The following P2RY14 variants were observed in gnomAD, a reference collection of about 807,000 sequenced individuals.
P2RY14 encodes purinergic receptor P2Y14, also known as P2Y purinoceptor 14.
P2RY14 carries 2 observed loss-of-function variants against 0.9 expected under a neutral mutation model. The ratio of observed to expected loss-of-function variants is 2.16; its 90% CI spans 0.88 to 6.79. P2RY14 has a LOEUF of 6.79. P2RY14 is among the 30% of genes most tolerant of loss of function. The probability of loss-of-function intolerance (pLI) is 0.05; values close to 1 mark genes in which losing one functional copy is unlikely to be tolerated. For missense variants in P2RY14, 378 were observed against 400.1 expected, an observed-to-expected ratio of 0.94 and a Z score of 0.47; for synonymous variants, 158 against 147.2, an observed-to-expected ratio of 1.07 and a Z score of -0.53.
intron 1 of P2RY14, among the ~76,000 whole-genome samples, chr3:151,237,354 T>TC (rs1553753092): frequency 2.3e-5 from 3 of 128,676 alleles, no homozygotes; most frequent in Admixed American, 7.7e-5. Flanking sequence ...TTTTTTCTTT[T>TC]TTTTTTTTTT....
At chr3:151,215,702 G>A (rs889160789) in intron 2 of P2RY14, among the ~76,000 whole-genome samples, 4 of 152,172 alleles carry the variant, frequency 2.6e-5, no homozygotes, top group Non-Finnish European at 5.9e-5. Context: ...CATCTTATAT[G>A]TGAACAGTAC....
chr3:151,234,013 GGGAATT>G (rs1385874798), intron 1 of P2RY14, among the ~76,000 whole-genome samples: 1 of 152,204 alleles, frequency 6.6e-6, no homozygotes, highest in East Asian at 1.9e-4. Flanking sequence ...ACTTTGGAAA[GGGAATT>G]GGAAATACTT....
At chr3:151,229,294 ATTC>A (rs1403414135) in intron 1 of P2RY14, among the ~76,000 whole-genome samples, 1 of 148,270 alleles carries the variant, frequency 6.7e-6, no homozygotes, top group African/African-American at 2.5e-5. Context: ...TAACTTATAA[ATTC>A]AGCAATTCTT....
At chr3:151,260,708 G>C (rs1738705352) in intron 1 of P2RY14, among the ~76,000 whole-genome samples, 1 of 152,086 alleles carries the variant, frequency 6.6e-6, no homozygotes, top group Non-Finnish European at 1.5e-5. Flanking sequence ...GACCGGCTTT[G>C]TTTCCCAGTG....
intron 1 of P2RY14, among the ~76,000 whole-genome samples, chr3:151,250,023 A>G (rs151060900): frequency 6.6e-6 from 1 of 152,226 alleles, no homozygotes; most frequent in East Asian, 1.9e-4. Flanking sequence ...AAAACCCTCA[A>G]AGCTCTCCCT....
chr3:151,236,839 C>T (rs1732920175), intron 1 of P2RY14, among the ~76,000 whole-genome samples: 1 of 151,994 alleles, frequency 6.6e-6, no homozygotes, highest in Non-Finnish European at 1.5e-5. Context: ...TACTGTATAG[C>T]ATTCTGCTGT....
At chr3:151,256,254 T>G (rs1285324043) in intron 1 of P2RY14, among the ~76,000 whole-genome samples, 1 of 152,202 alleles carries the variant, frequency 6.6e-6, no homozygotes, top group Non-Finnish European at 1.5e-5. Context: ...AAATAAGATC[T>G]CATATGCAGT....
intron 1 of P2RY14, among the ~76,000 whole-genome samples, chr3:151,275,397 A>G (rs895883390): frequency 6.6e-6 from 1 of 152,172 alleles, no homozygotes; most frequent in Non-Finnish European, 1.5e-5. Flanking sequence ...TCAGAACATG[A>G]TATCTAAGGC....
At chr3:151,230,208 T>A (rs1431466037) in intron 1 of P2RY14, among the ~76,000 whole-genome samples, 1 of 152,288 alleles carries the variant, frequency 6.6e-6, no homozygotes, top group East Asian at 1.9e-4. Context: ...TCTCCTGACC[T>A]TGTGATCCGC....
At chr3:151,235,436 T>A (rs1732537270) in intron 1 of P2RY14, among the ~76,000 whole-genome samples, 1 of 152,176 alleles carries the variant, frequency 6.6e-6, no homozygotes, top group African/African-American at 2.4e-5. Flanking sequence ...CCTGGCATGG[T>A]GGCTCATGCT....
chr3:151,217,358 C>T (rs540007801), intron 2 of P2RY14, among the ~76,000 whole-genome samples: 1 of 152,188 alleles, frequency 6.6e-6, no homozygotes, highest in Non-Finnish European at 1.5e-5. Context: ...AGGTCCAGAA[C>T]TCTGCTCTCA....
intron 1 of P2RY14, among the ~76,000 whole-genome samples, chr3:151,240,518 G>A (rs540190084): frequency 1.4e-4 from 22 of 152,324 alleles, no homozygotes; most frequent in African/African-American, 4.1e-4. Flanking sequence ...TTAATAGGAA[G>A]TGGGACAGAA....
chr3:151,273,227 CTTTTTTTTT>C (rs63035061), intron 1 of P2RY14, among the ~76,000 whole-genome samples: 1 of 106,170 alleles, frequency 9.4e-6, no homozygotes, highest in Non-Finnish European at 1.9e-5. Context: ...TTGTTGTGTT[CTTTTTTTTT>C]TTTTTTTTTT....
chr3:151,261,685 GTGTTTTGTTTTGTTT>G (rs10627724), intron 1 of P2RY14, among the ~76,000 whole-genome samples: 69,421 of 148,626 alleles, frequency 0.47, 16,231 homozygotes, highest in Middle Eastern at 0.65. Flanking sequence ...GTGGTACGTG[GTGTTTTGTTTTGTTT>G]TGTTTTGTTT....
At chr3:151,251,486 G>T (rs1294706114) in intron 1 of P2RY14, among the ~76,000 whole-genome samples, 1 of 152,048 alleles carries the variant, frequency 6.6e-6, no homozygotes, top group Non-Finnish European at 1.5e-5. Flanking sequence ...CACCCACAGG[G>T]TGTGTCCTCC....
At chr3:151,273,906 A>C (rs1203499046) in intron 1 of P2RY14, among the ~76,000 whole-genome samples, 1 of 152,206 alleles carries the variant, frequency 6.6e-6, no homozygotes, top group Non-Finnish European at 1.5e-5. Context: ...ACATTTATTG[A>C]AAACTTCACT....
chr3:151,238,812 A>G (rs1467918914), intron 1 of P2RY14, among the ~76,000 whole-genome samples: 2 of 152,244 alleles, frequency 1.3e-5, no homozygotes, highest in Non-Finnish European at 2.9e-5. Context: ...TTATGTATAA[A>G]GTACATTTGC....
intron 1 of P2RY14, among the ~76,000 whole-genome samples, chr3:151,239,659 T>G (rs2149371658): frequency 6.6e-6 from 1 of 152,326 alleles, no homozygotes; most frequent in South Asian, 2.1e-4. Flanking sequence ...ACAAAAGCTC[T>G]TTGAGGTCCT....
At chr3:151,246,109 G>T (rs1219330590) in intron 1 of P2RY14, among the ~76,000 whole-genome samples, 13 of 151,802 alleles carry the variant, frequency 8.6e-5, no homozygotes, top group African/African-American at 2.4e-4. Context: ...CACTGCTCAA[G>T]GAAATAAAAG....
Sources: gnomAD v4.1 joint callset for allele counts (sites outside exome capture counted in the v4.1 genomes callset) on GRCh38, gnomAD v4.1.1 for gene constraint, MANE v1.5 for transcripts, NCBI Gene and HGNC (gene_info 2026-07-23, HGNC 2026-07-21) for gene names.